CSMD2: variants seen among roughly 807,000 people sequenced by gnomAD.
The protein encoded by CSMD2 is CUB and sushi domain-containing protein 2.
Under a neutral mutation model 398.5 loss-of-function variants are expected in CSMD2, and 130 were observed. That is an observed-to-expected ratio of 0.33 (90% CI 0.28 to 0.38). CSMD2 has a LOEUF of 0.38. Ranked by LOEUF, CSMD2 falls within the 10% of genes least tolerant of loss-of-function variation. The pLI is 1.00. For missense variants in CSMD2, 3,829 were observed against 4,764.9 expected (o/e 0.80, Z 5.78); for synonymous variants, 1,828 against 1,908.5 (o/e 0.96, Z 1.10).
At chr1:33,691,153 A>G (rs1645225943) in intron 25 of CSMD2, among the ~76,000 whole-genome samples, 1 of 152,222 alleles carries the variant, frequency 6.6e-6, no homozygotes, top group Non-Finnish European at 1.5e-5. Flanking sequence ...GGGGTCACCA[A>G]TAATTTTGCT....
intron 25 of CSMD2, among the ~76,000 whole-genome samples, chr1:33,687,266 T>C (rs1365875526): frequency 6.6e-6 from 1 of 152,174 alleles, no homozygotes; most frequent in Non-Finnish European, 1.5e-5. Context: ...CTGACAACCA[T>C]TGTAAAACAA....
chr1:33,805,885 A>C (rs1656170276), intron 10 of CSMD2, among the ~76,000 whole-genome samples: 1 of 151,984 alleles, frequency 6.6e-6, no homozygotes, highest in African/African-American at 2.4e-5. Flanking sequence ...TGTCTAAGCT[A>C]TCTAGTGGGC....
intron 3 of CSMD2, among the ~76,000 whole-genome samples, chr1:33,973,423 T>A (rs894988217): frequency 6.6e-6 from 1 of 152,196 alleles, no homozygotes; most frequent in Non-Finnish European, 1.5e-5. Context: ...CATTATTCAC[T>A]CATTCATTCA....
rs529086570 is a variant in CSMD2 at position 33,596,188 on chromosome 1, TCA to T, written c.6856+4675_6856+4676del. On this transcript the variant is annotated intron_variant, in intron 44 of 70. Coordinates refer to ENST00000373381, the MANE Select transcript of CSMD2 (RefSeq NM_001281956.2). ...TTCATTTCTGCTGACCCCTCCCTCC[TCA>T]CCCTACTTGGGCTCTGACTTCCTTT... Among the ~76,000 whole-genome samples the T allele has an allele frequency of 3.5e-4, 53 of 152,240 alleles. No individual in the cohort carries two copies. In the East Asian group the frequency reaches 9.1e-3, roughly 26 times the overall value.
intron 3 of CSMD2, among the ~76,000 whole-genome samples, chr1:33,998,517 G>A (rs749079633): frequency 2.0e-5 from 3 of 152,220 alleles, no homozygotes; most frequent in Non-Finnish European, 4.4e-5. Flanking sequence ...CCTTCTGTCT[G>A]CCCAGCTTCG....
chr1:33,886,646 G>A (rs1641616835), intron 5 of CSMD2, among the ~76,000 whole-genome samples: 1 of 152,334 alleles, frequency 6.6e-6, no homozygotes, highest in South Asian at 2.1e-4. Context: ...ACAGTGGGCA[G>A]CCGATGGGAA....
Position 33,625,074 on chromosome 1 carries a change from T to C in CSMD2, c.5477A>G (p.Asn1826Ser). ...ACCCACACACGTGGGCGCTGAGACA[T>C]TCCATTGGGCCAAGGCCCCAGGCAC... ...LPVPGALAQW[N>S]VSAPTCVVPC... Residue 1826 changes from asparagine (N) to serine (S), a missense_variant, in exon 34 of 71, where the codon AAT (asparagine) becomes AGT (serine). Transcript: ENST00000373381. 6.2e-7 allele frequency: 1 copy of C among 1,613,722 alleles called. No individual in the cohort carries two copies. The highest frequency in any genetic ancestry group is 8.5e-7 in the Non-Finnish European group (1 of 1,179,900).
chr1:33,855,692 G>T (rs998898039), intron 5 of CSMD2, among the ~76,000 whole-genome samples: 1 of 152,066 alleles, frequency 6.6e-6, no homozygotes, highest in Admixed American at 6.5e-5. Flanking sequence ...TCTGAGATCC[G>T]GGAAGGCAGT....
intron 53 of CSMD2, among the ~76,000 whole-genome samples, chr1:33,566,239 T>A (rs1180884039): frequency 1.3e-5 from 2 of 151,616 alleles, no homozygotes; most frequent in African/African-American, 4.8e-5. Context: ...TTGGAATAAT[T>A]AACTCTGAAG....
At chr1:33,527,421 T>C (rs535856916) in intron 64 of CSMD2, among the ~76,000 whole-genome samples, 163 bp from the exon 65 acceptor site, 3 of 152,350 alleles carry the variant, frequency 2.0e-5, no homozygotes, top group African/African-American at 7.2e-5. Context: ...GATGCTCTAA[T>C]GATGCTATGG....
intron 13 of CSMD2, among the ~76,000 whole-genome samples, chr1:33,765,685 C>T (rs962277476): frequency 2.0e-5 from 3 of 152,050 alleles, no homozygotes; most frequent in Non-Finnish European, 4.4e-5. Context: ...TACTGAGAGA[C>T]TTGTTTATAT....
At chr1:33,595,774 G>T (rs560931380) in intron 44 of CSMD2, among the ~76,000 whole-genome samples, 17 of 152,178 alleles carry the variant, frequency 1.1e-4, no homozygotes, top group Non-Finnish European at 2.1e-4. Context: ...CTCTGCCCCA[G>T]GCTTGGGATT....
chr1:33,743,340 G>A lies in CSMD2; in HGVS notation c.2113C>T (p.Arg705Cys), dbSNP rs774290288. 14 of 1,613,960 alleles carry A rather than the reference G, an allele frequency of 8.7e-6. No homozygotes were observed. The highest frequency in any genetic ancestry group is 1.6e-4 in the Middle Eastern group (1 of 6,084). The change falls in exon 14 of 71, where the codon CGT becomes TGT. Residue 705 changes from arginine to cysteine, a missense_variant. By Grantham distance (180) the Arg-to-Cys change is radical. This residue lies in a region of CSMD2 where 2,001 missense variants were observed against 2,567.1 expected (regional missense o/e 0.78). Transcript: ENST00000373381. ...GAGTGGTCAGTCTGGAACTCGAGAC[G>A]GGCCACGTGGCCACTGCTTGTGATG... is the stretch of plus-strand genomic sequence containing the variant. ...SSITSSGHVARLEFQTDHSTG... is the reference protein window; with the variant it reads ...SSITSSGHVACLEFQTDHSTG...
rs1553330752 is a variant in CSMD2, at chr1:34,140,297, A to AAAAC, written c.187+24610_187+24613dup. Among the ~76,000 whole-genome samples the AAAAC allele has an allele frequency of 5.3e-4, 60 of 112,488 alleles. No homozygotes were observed. The East Asian group carries it at 0.011, about 20-fold the overall frequency. The allele number at this position is 112,488 out of a possible 152,430, so 73.8% of individuals were successfully genotyped here. A position where few individuals can be genotyped will look rare whatever the true frequency, so the allele number is the denominator to read the frequency against. ...AGACAGAGGAATCGGCATATGCAAA[A>AAAAC]AAACAAACAAACAAACAAACAAAAA... On this transcript the variant is annotated intron_variant, in intron 1 of 70. Coordinates refer to ENST00000373381, the MANE Select transcript of CSMD2 (RefSeq NM_001281956.2).
intron 2 of CSMD2, among the ~76,000 whole-genome samples, chr1:34,044,772 G>A (rs1652286353): frequency 6.6e-6 from 1 of 152,136 alleles, no homozygotes; most frequent in Admixed American, 6.6e-5. Context: ...TTTATTGAAT[G>A]GTTCTCATTT....
intron 40 of CSMD2, among the ~76,000 whole-genome samples, chr1:33,614,020 A>G (rs1641218782): frequency 6.6e-6 from 1 of 152,152 alleles, no homozygotes; most frequent in Non-Finnish European, 1.5e-5. Context: ...GTGCATACGA[A>G]GAAGAATGCA....
chr1:33,740,663 C>T (rs912796791), intron 14 of CSMD2, among the ~76,000 whole-genome samples: 16 of 152,074 alleles, frequency 1.1e-4, no homozygotes, highest in Non-Finnish European at 1.2e-4. Flanking sequence ...AACCTTTCTT[C>T]GTTGGAAACT....
In CSMD2 at chr1:33,935,928, G is replaced by A; in HGVS notation, c.544C>T (p.Pro182Ser). The A allele has an allele frequency of 1.2e-6, 2 of 1,612,546 alleles. No homozygotes were observed. The highest frequency in any genetic ancestry group is 1.7e-6 in the Non-Finnish European group (2 of 1,179,162). The change falls in exon 4 of 71, where the codon CCA (proline) becomes TCA (serine). Residue 182 changes from proline to serine, a missense_variant. Pro to Ser is a moderately conservative substitution (Grantham distance 74). This residue lies in a region of CSMD2 where 2,001 missense variants were observed against 2,567.1 expected (regional missense o/e 0.78). Transcript: ENST00000373381. ...TGGATGCCATTGGGCAGCCTCCCTG[G>A]GTTCCCACATGTGTGGCTGGGGAGA... ...EVLPSHTCGN[P>S]GRLPNGIQQG...
At chr1:33,639,223 G>C (rs1642974274) in intron 29 of CSMD2, among the ~76,000 whole-genome samples, 1 of 152,300 alleles carries the variant, frequency 6.6e-6, no homozygotes, top group East Asian at 1.9e-4. Flanking sequence ...GACAAAAGCA[G>C]CCAAGGTGGA....
Sources: gnomAD v4.1 joint callset for allele counts (sites outside exome capture counted in the v4.1 genomes callset) on GRCh38, gnomAD v4.1.1 for gene constraint, gnomAD v4.1.1 regional missense constraint, MANE v1.5 for transcripts, NCBI Gene and HGNC (gene_info 2026-07-23, HGNC 2026-07-21) for gene names.